Variants in SUPT3H observed in about 807,000 individuals in gnomAD.
The protein encoded by SUPT3H is transcription initiation protein SPT3 homolog.
Under a neutral mutation model 44.3 loss-of-function variants are expected in SUPT3H, and 44 were observed. That is an observed-to-expected ratio of 0.99 (90% CI 0.78 to 1.28). The LOEUF is 1.28. Ranked by LOEUF, SUPT3H falls within the 50% of genes most tolerant of loss-of-function variation. The pLI, the probability that SUPT3H is intolerant of heterozygous loss-of-function variation, is 0.00. For synonymous variants in SUPT3H, 124 were observed against 125.6 expected (o/e 0.99, Z 0.09); for missense variants, 380 against 387.1 (o/e 0.98, Z 0.15).
At chr6:44,811,453 G>T (rs980749045) in intron 11 of SUPT3H, among the ~76,000 whole-genome samples, 1 of 152,222 alleles carries the variant, frequency 6.6e-6, no homozygotes, top group Admixed American at 6.5e-5. Context: ...ACAAAGGTTG[G>T]ATAGACTGCA....
intron 2 of SUPT3H, among the ~76,000 whole-genome samples, chr6:45,313,072 A>C (rs1562935912): frequency 6.6e-6 from 1 of 152,224 alleles, no homozygotes; most frequent in Non-Finnish European, 1.5e-5. Flanking sequence ...ATGAAAATTA[A>C]AAAATTCTTC....
intron 2 of SUPT3H, among the ~76,000 whole-genome samples, chr6:45,175,644 G>C (rs1440399984): frequency 6.6e-6 from 1 of 152,080 alleles, no homozygotes; most frequent in Admixed American, 6.5e-5. Context: ...TAAACTAACA[G>C]ATTTTGAAGG....
rs894074698 is a variant in SUPT3H at position 44,847,708 on chromosome 6, G to A, written c.913-17851C>T. Among the ~76,000 whole-genome samples the A allele has an allele frequency of 5.3e-4, 81 of 152,044 alleles. 1 individual carries two copies. The highest frequency in any genetic ancestry group is 1.6e-3 in the Admixed American group (25 of 15,288). On this transcript the variant is annotated intron_variant, in intron 10 of 10. Coordinates refer to ENST00000371459, the MANE Select transcript of SUPT3H (RefSeq NM_003599.4). ...TCGCTATGTTGGCCAGGCTGGTCTCGAACTCCTGACCTCGGGTGATCCACC... is the reference window on the plus strand; with the variant it reads ...TCGCTATGTTGGCCAGGCTGGTCTCAAACTCCTGACCTCGGGTGATCCACC...
chr6:45,088,910 A>G (rs1458040219), intron 3 of SUPT3H, among the ~76,000 whole-genome samples: 1 of 152,122 alleles, frequency 6.6e-6, no homozygotes, highest in Non-Finnish European at 1.5e-5. Context: ...GGTAGTAAGC[A>G]TAAGTAGTTG....
At chr6:45,367,889 A>C in intron 1 of SUPT3H, among the ~76,000 whole-genome samples, 1 of 152,168 alleles carries the variant, frequency 6.6e-6, no homozygotes, top group East Asian at 1.9e-4. Context: ...TGACATGATG[A>C]GCTGATAGGT....
At chr6:45,275,400 CAT>C (rs1242226733) in intron 2 of SUPT3H, among the ~76,000 whole-genome samples, 39 of 152,220 alleles carry the variant, frequency 2.6e-4, no homozygotes, top group African/African-American at 9.4e-4. Context: ...ATCATTATGA[CAT>C]ATTTCTAAAT....
chr6:45,248,017 C>T (rs1228309308), intron 2 of SUPT3H, among the ~76,000 whole-genome samples: 1 of 151,996 alleles, frequency 6.6e-6, no homozygotes, highest in East Asian at 1.9e-4. Context: ...TAACAGGACA[C>T]CCATATGCAG....
chr6:45,114,085 G>A (rs531683356), intron 2 of SUPT3H, among the ~76,000 whole-genome samples: 158 of 151,894 alleles, frequency 1.0e-3, no homozygotes, highest in South Asian at 7.3e-3. Flanking sequence ...TAATGCTGAC[G>A]TAAAAAAATA....
rs1045535961 is a variant in SUPT3H at position 44,946,979 on chromosome 6, T to C, written c.801+6331A>G. Among the ~76,000 whole-genome samples the C allele has an allele frequency of 7.0e-4, 106 of 152,136 alleles. 1 individual carries two copies. The highest frequency in any genetic ancestry group is 2.0e-4 in the Admixed American group (3 of 15,262). ...AGATATTGCCACAGCTACCCCAACC[T>C]TCGGCAACCACCACCCTGATCAATC... On this transcript the variant is annotated intron_variant, in intron 9 of 10. Coordinates refer to ENST00000371459, the MANE Select transcript of SUPT3H (RefSeq NM_003599.4).
intron 6 of SUPT3H, among the ~76,000 whole-genome samples, chr6:44,978,338 G>A (rs1437641975): frequency 6.6e-6 from 1 of 152,094 alleles, no homozygotes; most frequent in East Asian, 1.9e-4. Flanking sequence ...CTGAGACTCA[G>A]AAACATGTAG....
At chr6:44,812,252 G>T (rs1282387827) in intron 11 of SUPT3H, among the ~76,000 whole-genome samples, 1 of 152,096 alleles carries the variant, frequency 6.6e-6, no homozygotes, top group Non-Finnish European at 1.5e-5. Flanking sequence ...GGAAGAATCT[G>T]TTTCCTGTTC....
At chr6:45,256,357 C>T (rs186553273) in intron 2 of SUPT3H, among the ~76,000 whole-genome samples, 6 of 152,258 alleles carry the variant, frequency 3.9e-5, no homozygotes, top group Admixed American at 3.9e-4. Flanking sequence ...TGGTGAGGGC[C>T]TATTCCCCAT....
chr6:45,176,201 C>A (rs1189132372), intron 2 of SUPT3H, among the ~76,000 whole-genome samples: 1 of 151,760 alleles, frequency 6.6e-6, no homozygotes, highest in East Asian at 1.9e-4. Context: ...ACAGTGGGCG[C>A]AGGTCAGTGG....
intron 10 of SUPT3H, among the ~76,000 whole-genome samples, chr6:44,928,882 CAA>C (rs35656937): frequency 2.4e-4 from 5 of 20,650 alleles, no homozygotes; most frequent in Admixed American, 6.3e-4. Flanking sequence ...GACTCCGTCT[CAA>C]AAAAAAAAAA....
chr6:44,902,035 G>T (rs2153448656), intron 10 of SUPT3H, among the ~76,000 whole-genome samples: 1 of 152,210 alleles, frequency 6.6e-6, no homozygotes, highest in Admixed American at 6.5e-5. Flanking sequence ...ACTAAACATG[G>T]AAAGGAAAAA....
intron 2 of SUPT3H, among the ~76,000 whole-genome samples, chr6:45,224,866 T>C (rs1766668309): frequency 6.6e-6 from 1 of 152,126 alleles, no homozygotes; most frequent in Non-Finnish European, 1.5e-5. Flanking sequence ...TAATTTTTCA[T>C]TTATTATAAT....
intron 9 of SUPT3H, among the ~76,000 whole-genome samples, chr6:44,949,877 T>A (rs1262534701): frequency 6.6e-6 from 1 of 152,208 alleles, no homozygotes; most frequent in African/African-American, 2.4e-5. Flanking sequence ...AAAAAGTCTG[T>A]TTCTTTAAAA....
At chr6:44,951,055 C>G (rs776342397) in intron 9 of SUPT3H, among the ~76,000 whole-genome samples, 1 of 151,902 alleles carries the variant, frequency 6.6e-6, no homozygotes, top group Non-Finnish European at 1.5e-5. Context: ...GCCTACTATT[C>G]CTCTTTAATG....
At chr6:45,373,536 A>G (rs1436450388) in intron 1 of SUPT3H, among the ~76,000 whole-genome samples, 1 of 151,962 alleles carries the variant, frequency 6.6e-6, no homozygotes, top group East Asian at 1.9e-4. Context: ...CTGTGACTTA[A>G]AATATTATTT....
Sources: allele counts gnomAD v4.1 joint callset (sites outside exome capture counted in the v4.1 genomes callset), GRCh38; gene constraint gnomAD v4.1.1; transcripts MANE v1.5; gene names NCBI Gene and HGNC (gene_info 2026-07-23, HGNC 2026-07-21).